GABRA3: variants seen among roughly 807,000 people sequenced by gnomAD.
The protein encoded by GABRA3 is gamma-aminobutyric acid type A receptor subunit alpha3.
GABRA3 carries 10 observed loss-of-function variants against 30.1 expected under a neutral mutation model. The observed-to-expected ratio is 0.33, with a 90% CI of 0.20 to 0.56. The LOEUF is 0.56. GABRA3 is among the 20% of genes least tolerant of loss of function. The probability of loss-of-function intolerance (pLI) is 0.89; values close to 1 mark genes in which losing one functional copy is unlikely to be tolerated. For synonymous variants in GABRA3, 151 were observed against 146.8 expected (o/e 1.03, Z -0.21); for missense variants, 233 against 392.0 (o/e 0.59, Z 3.42).
chrX:152,341,962 TCC>T (rs1940321091), intron 3 of GABRA3, among the ~76,000 whole-genome samples: 1 of 111,103 alleles, frequency 9.0e-6, no homozygotes, highest in Admixed American at 9.5e-5. Context: ...AACCTCCGTC[TCC>T]CGGATTCAAG....
In GABRA3 at chrX:152,261,308, C is replaced by A. The variant is rs753952441; in HGVS notation, c.331-5310G>T. Among the ~76,000 whole-genome samples the A allele has an allele frequency of 6.3e-5, 7 of 111,636 alleles. No individual in the cohort carries two copies. The South Asian group carries it at 2.3e-3, about 36-fold the overall frequency. On this transcript the variant is annotated intron_variant, in intron 4 of 9. Transcript: ENST00000370314. Reference sequence around the variant, plus strand: ...TTTAATATCCTCACATTTAAAAGTACAATCATGTCCTTCCAACAGTTCCCC... The same window carrying A: ...TTTAATATCCTCACATTTAAAAGTAAAATCATGTCCTTCCAACAGTTCCCC...
chrX:152,168,133 G>T lies in GABRA3; in HGVS notation c.*95C>A. ...CAGCTTGGTAGAGGGGTAAAAAGGA[G>T]AATCCTGAAATACGCGAAGGGGAGC... On this transcript the variant is annotated 3_prime_UTR_variant, in exon 10 of 10. Transcript: ENST00000370314. 2 of 668,690 alleles carry T rather than the reference G, an allele frequency of 3.0e-6. No homozygotes were observed. Among genetic ancestry groups the T allele is most frequent in the East Asian group, 3.3e-5 (1 of 30,654 alleles). 55.1% of individuals were successfully genotyped at this position (668,690 alleles called of 1,213,427 possible). A position where few individuals can be genotyped will look rare whatever the true frequency, so the allele number is the denominator to read the frequency against.
At chrX:152,306,104 A>G (rs948174783) in intron 3 of GABRA3, among the ~76,000 whole-genome samples, 2 of 112,347 alleles carry the variant, frequency 1.8e-5, no homozygotes, top group Admixed American at 9.4e-5. Context: ...ATACATGATC[A>G]CGGTAATGCA....
chrX:152,317,195 A>C lies in GABRA3; in HGVS notation c.262+28386T>G, dbSNP rs1201717606. Among the ~76,000 whole-genome samples, 3 of 112,066 alleles carry C rather than the reference A, an allele frequency of 2.7e-5. No individual in the cohort carries two copies. The Admixed American group carries it at 2.8e-4, about 11-fold the overall frequency. On this transcript the variant is annotated intron_variant, in intron 3 of 9. Transcript: ENST00000370314. ...TTCTTACATCAGACAAACAAATTTTAAAGCAACAGCAGTTACAAAAGTCAA... is the reference window on the plus strand; with the variant it reads ...TTCTTACATCAGACAAACAAATTTTCAAGCAACAGCAGTTACAAAAGTCAA...
At chrX:152,326,834 A>T (rs1940068240) in intron 3 of GABRA3, among the ~76,000 whole-genome samples, 1 of 111,446 alleles carries the variant, frequency 9.0e-6, no homozygotes, top group African/African-American at 3.3e-5. Context: ...TAATGACAGG[A>T]TTATATTCAC....
At chrX:152,327,292 C>T (rs1487032048) in intron 3 of GABRA3, among the ~76,000 whole-genome samples, 39 of 110,793 alleles carry the variant, frequency 3.5e-4, no homozygotes, top group Non-Finnish European at 6.1e-4. Context: ...GACAGATCAA[C>T]GAGACAGAAA....
intron 5 of GABRA3, among the ~76,000 whole-genome samples, chrX:152,232,765 G>C (rs753952892): frequency 3.7e-5 from 4 of 109,371 alleles, no homozygotes; most frequent in African/African-American, 1.3e-4. Context: ...ATTGTGAACA[G>C]TGCTGCAATA....
In GABRA3 at chrX:152,284,658, A is replaced by T; in HGVS notation, c.330+10T>A. The T allele has an allele frequency of 8.6e-7, 1 of 1,159,884 alleles. No homozygotes were observed. Among genetic ancestry groups the T allele is most frequent in the Non-Finnish European group, 1.2e-6 (1 of 854,878 alleles). ...CATCCTCTTTTACATTTACCTTTGC[A>T]AGAACTTACCATGTCAGTGTCTGAC... On this transcript the variant is annotated intron_variant, in intron 4 of 9. Coordinates refer to ENST00000370314, the MANE Select transcript of GABRA3 (RefSeq NM_000808.4).
chrX:152,366,116 T>C (rs779309448), intron 1 of GABRA3, among the ~76,000 whole-genome samples: 21 of 111,581 alleles, frequency 1.9e-4, no homozygotes, highest in Non-Finnish European at 3.4e-4. Flanking sequence ...AGATAGTGCA[T>C]GATCAGACAA....
At chrX:152,207,311 G>A (rs1440857028) in intron 7 of GABRA3, among the ~76,000 whole-genome samples, 2 of 111,776 alleles carry the variant, frequency 1.8e-5, no homozygotes, top group Non-Finnish European at 3.8e-5. Context: ...GTGGGCCCCA[G>A]CATATACTCC....
rs1278818726 is a variant in GABRA3, at chrX:152,255,966, T to C, written c.363A>G (p.Thr121=). 9 of 1,209,016 alleles carry C rather than the reference T, an allele frequency of 7.4e-6. No homozygotes were observed. Among genetic ancestry groups the C allele is most frequent in the South Asian group, 7.0e-5 (4 of 56,912 alleles). Residue 121 remains threonine (T), a synonymous_variant, in exon 5 of 10, where the codon ACA becomes ACG. Transcript: ENST00000370314. ...EYTIDVFFRQ[T]WHDERLKFDG... ...CAAATTTCAGTCTTTCATCATGCCA[T>C]GTCTGCCGAAAAAATACATCAATAG...
intron 4 of GABRA3, among the ~76,000 whole-genome samples, chrX:152,275,464 C>CATATTTATTTTAAATATA (rs1569378677): frequency 1.6e-3 from 22 of 13,864 alleles, no homozygotes; most frequent in African/African-American, 3.1e-3. Flanking sequence ...TTTTAAATAT[C>CATATTTATTTTAAATATA]AAATAAATAG....
chrX:152,180,036 C>G (rs1937124764), intron 9 of GABRA3, among the ~76,000 whole-genome samples: 1 of 111,888 alleles, frequency 8.9e-6, no homozygotes, highest in Non-Finnish European at 1.9e-5. Flanking sequence ...AGTACACATA[C>G]TTCTTTGACA....
intron 3 of GABRA3, among the ~76,000 whole-genome samples, chrX:152,301,539 T>C (rs765824063): frequency 8.9e-6 from 1 of 111,800 alleles, no homozygotes; most frequent in South Asian, 3.8e-4. Flanking sequence ...TTTTTGTTTC[T>C]TTTTTCTTTT....
chrX:152,366,530 T>C (rs1928666050), intron 1 of GABRA3, among the ~76,000 whole-genome samples: 1 of 111,860 alleles, frequency 8.9e-6, no homozygotes, highest in Non-Finnish European at 1.9e-5. Flanking sequence ...ATATTAAGAA[T>C]AGATGGCAAT....
intron 4 of GABRA3, among the ~76,000 whole-genome samples, chrX:152,261,577 G>A (rs745419576): frequency 8.9e-6 from 1 of 112,546 alleles, no homozygotes; most frequent in African/African-American, 3.2e-5. Context: ...AAACCTTAAA[G>A]TTCCAAAATG....
intron 1 of GABRA3, among the ~76,000 whole-genome samples, chrX:152,380,967 T>C (rs1260410305): frequency 9.0e-6 from 1 of 111,688 alleles, no homozygotes; most frequent in Non-Finnish European, 1.9e-5. Context: ...CAGTAGTGAG[T>C]GAATTCTTTA....
chrX:152,367,599 G>T (rs1184715004), intron 1 of GABRA3, among the ~76,000 whole-genome samples: 2 of 111,252 alleles, frequency 1.8e-5, no homozygotes, highest in Non-Finnish European at 3.8e-5. Flanking sequence ...ATGGGTTCCA[G>T]GAGATAACAC....
chrX:152,275,386 T>A (rs1460382968), intron 4 of GABRA3, among the ~76,000 whole-genome samples: 1 of 101,291 alleles, frequency 9.9e-6, no homozygotes, highest in African/African-American at 3.6e-5. Context: ...TATTTACATA[T>A]TTATTTTAAA....
Sources: gnomAD v4.1 joint callset for allele counts (sites outside exome capture counted in the v4.1 genomes callset) on GRCh38, gnomAD v4.1.1 for gene constraint, MANE v1.5 for transcripts, NCBI Gene and HGNC (gene_info 2026-07-23, HGNC 2026-07-21) for gene names.